Variants in TRPM3 observed in about 807,000 individuals in gnomAD.
TRPM3 encodes long transient receptor potential channel 3.
In TRPM3, 77 loss-of-function variants were observed where a neutral mutation model predicts 181.2. The ratio of observed to expected loss-of-function variants is 0.42; its 90% CI spans 0.35 to 0.51. The LOEUF (loss-of-function observed/expected upper bound fraction) is 0.51, where lower values mean the gene tolerates loss of function less well. Ranked by LOEUF, TRPM3 falls within the 20% of genes least tolerant of loss-of-function variation. TRPM3 has a pLI of 0.01. For synonymous variants in TRPM3, 745 were observed against 796.4 expected (o/e 0.94, Z 1.09); for missense variants, 1,759 against 2,196.7 (o/e 0.80, Z 3.98).
intron 1 of TRPM3, among the ~76,000 whole-genome samples, chr9:71,052,395 C>A (rs2060155628): frequency 6.6e-6 from 1 of 152,074 alleles, no homozygotes; most frequent in Non-Finnish European, 1.5e-5. Flanking sequence ...TTCTCATTAG[C>A]TGGCTGTAGC....
intron 1 of TRPM3, among the ~76,000 whole-genome samples, chr9:71,282,022 T>C (rs1387389116): frequency 6.7e-6 from 1 of 149,124 alleles, no homozygotes. Context: ...GACCACAACA[T>C]TGCTCTCCAG....
At chr9:71,110,403 G>A (rs571720182) in intron 1 of TRPM3, among the ~76,000 whole-genome samples, 14 of 152,240 alleles carry the variant, frequency 9.2e-5, no homozygotes, top group East Asian at 3.9e-4. Context: ...TTCAAATTTC[G>A]TTGTTCATAA....
intron 1 of TRPM3, among the ~76,000 whole-genome samples, chr9:71,102,018 GT>G (rs1336036391): frequency 2.0e-5 from 3 of 152,194 alleles, no homozygotes; most frequent in Non-Finnish European, 4.4e-5. Context: ...TGAAGGTGGA[GT>G]TCCAGCATGC....
At chr9:71,311,915 A>G (rs1381699907) in intron 1 of TRPM3, among the ~76,000 whole-genome samples, 1 of 152,222 alleles carries the variant, frequency 6.6e-6, no homozygotes, top group African/African-American at 2.4e-5. Context: ...AAAAAATCTC[A>G]TGTTTTAAGC....
At chr9:70,878,480 C>A (rs761967943) in intron 1 of TRPM3, among the ~76,000 whole-genome samples, 1 of 152,020 alleles carries the variant, frequency 6.6e-6, no homozygotes, top group Non-Finnish European at 1.5e-5. Flanking sequence ...TGAGGAGGTA[C>A]AAGGCTTTCC....
intron 1 of TRPM3, among the ~76,000 whole-genome samples, chr9:71,202,971 T>C (rs2078898870): frequency 6.6e-6 from 1 of 152,150 alleles, no homozygotes; most frequent in Admixed American, 6.5e-5. Context: ...AAAAGAGAAG[T>C]CCCCAAATTG....
intron 8 of TRPM3, among the ~76,000 whole-genome samples, chr9:70,750,608 T>A (rs2075968035): frequency 6.6e-6 from 1 of 152,054 alleles, no homozygotes; most frequent in Non-Finnish European, 1.5e-5. Flanking sequence ...GGAATCGAAG[T>A]AGAGCAGGCA....
intron 1 of TRPM3, among the ~76,000 whole-genome samples, chr9:70,962,486 A>G (rs1209907815): frequency 6.6e-6 from 1 of 152,084 alleles, no homozygotes; most frequent in Non-Finnish European, 1.5e-5. Context: ...TCAGCTCTGC[A>G]ATGGGGATAT....
chr9:71,292,946 A>T (rs922467353), intron 1 of TRPM3, among the ~76,000 whole-genome samples: 2 of 151,992 alleles, frequency 1.3e-5, no homozygotes, highest in Admixed American at 6.6e-5. Context: ...AAGCAAATAC[A>T]AAATGACGAA....
At position 71,082,258 on chromosome 9, in the gene TRPM3, T is replaced by C. The variant is rs1462374796; in HGVS notation, c.177+38920A>G. Among the ~76,000 whole-genome samples, 3 of 152,206 alleles carry C rather than the reference T, an allele frequency of 2.0e-5. 1 individual carries two copies. Among genetic ancestry groups the C allele is most frequent in the African/African-American group, 7.2e-5 (3 of 41,466 alleles). On this transcript the variant is annotated intron_variant, in intron 1 of 25. Transcript: ENST00000677713. ...TTTGTTTGCTTTAGATTTGATTATG[T>C]AGTGGTCATTGCTAGGAGTAAATGC...
At chr9:71,087,205 T>C (rs2065421976) in intron 1 of TRPM3, among the ~76,000 whole-genome samples, 1 of 152,024 alleles carries the variant, frequency 6.6e-6, no homozygotes. Context: ...TTACTATTCC[T>C]CGATCCCATC....
intron 1 of TRPM3, among the ~76,000 whole-genome samples, chr9:71,009,580 A>G (rs772261662): frequency 4.6e-5 from 7 of 152,200 alleles, no homozygotes; most frequent in Admixed American, 2.6e-4. Flanking sequence ...GAAGAAATTA[A>G]AGAGGAGGCA....
intron 1 of TRPM3, among the ~76,000 whole-genome samples, chr9:71,340,969 T>C (rs886799402): frequency 9.2e-5 from 14 of 152,108 alleles, no homozygotes; most frequent in African/African-American, 3.4e-4. Context: ...CATCAGTTTT[T>C]GTCAAAACGG....
chr9:71,104,897 A>G lies in TRPM3; in HGVS notation c.177+16281T>C, dbSNP rs778453850. ...ATATTGTATGTTAAAGGGAGTAGGA[A>G]ATGGTATGATCATTTTGACAAACTC... On this transcript the variant is annotated intron_variant, in intron 1 of 25. Coordinates refer to ENST00000677713, the MANE Select transcript of TRPM3 (RefSeq NM_001366145.2). 1.8e-4 allele frequency among the ~76,000 whole-genome samples: 27 copies of G among 152,300 alleles called. 1 individual carries two copies. The Middle Eastern group carries it at 0.01, about 58-fold the overall frequency.
intron 1 of TRPM3, among the ~76,000 whole-genome samples, chr9:71,050,400 G>C (rs1201733863): frequency 3.3e-5 from 5 of 152,152 alleles, no homozygotes; most frequent in African/African-American, 1.2e-4. Context: ...ATAAGATACA[G>C]TTTTGCTCAC....
At chr9:70,967,201 T>C (rs568433863) in intron 1 of TRPM3, among the ~76,000 whole-genome samples, 13 of 152,156 alleles carry the variant, frequency 8.5e-5, no homozygotes, top group African/African-American at 2.9e-4. Flanking sequence ...TTCTGCATAA[T>C]TCCAGTTTCT....
chr9:70,854,728 A>C (rs12000623), intron 3 of TRPM3, among the ~76,000 whole-genome samples: 1,887 of 152,184 alleles, frequency 0.012, 32 homozygotes, highest in African/African-American at 0.044. Context: ...GGAATTACCT[A>C]TCTCTTCTCT....
Position 70,852,164 on chromosome 9 carries a change from A to G in TRPM3, c.463-5573T>C, listed in dbSNP as rs12336078. Among the ~76,000 whole-genome samples the G allele has an allele frequency of 6.8e-3, 1,026 of 150,484 alleles. 11 individuals are homozygous for G. Among genetic ancestry groups the G allele is most frequent in the African/African-American group, 0.02 (824 of 40,760 alleles). On this transcript the variant is annotated intron_variant, in intron 3 of 25. Coordinates refer to ENST00000677713, the MANE Select transcript of TRPM3 (RefSeq NM_001366145.2). ...AAAAAAAAAAAAAAAAAGAGAGAAA[A>G]AAAATCCCAAAAAACAAGAACAACA... is the stretch of plus-strand genomic sequence containing the variant.
intron 1 of TRPM3, among the ~76,000 whole-genome samples, chr9:70,955,129 A>C (rs1449042455): frequency 6.6e-6 from 1 of 152,098 alleles, no homozygotes; most frequent in African/African-American, 2.4e-5. Flanking sequence ...CAGTTATATC[A>C]GCCTCTAATT....
Sources: allele counts gnomAD v4.1 joint callset (sites outside exome capture counted in the v4.1 genomes callset), GRCh38; gene constraint gnomAD v4.1.1; transcripts MANE v1.5; gene names NCBI Gene and HGNC (gene_info 2026-07-23, HGNC 2026-07-21).